The following RASGRF2 variants were observed in gnomAD, a reference collection of about 807,000 sequenced individuals.
RASGRF2 encodes the protein ras-specific guanine nucleotide-releasing factor 2.
Under a neutral mutation model 151.0 loss-of-function variants are expected in RASGRF2, and 76 were observed. The ratio of observed to expected loss-of-function variants is 0.50; its 90% CI spans 0.42 to 0.61. RASGRF2 has a LOEUF of 0.61. Among genes scored for constraint, RASGRF2 ranks in the 20% least tolerant of loss-of-function variants. The pLI, the probability that RASGRF2 is intolerant of heterozygous loss-of-function variation, is 0.00. For synonymous variants in RASGRF2, 504 were observed against 566.5 expected, an observed-to-expected ratio of 0.89 and a Z score of 1.57; for missense variants, 1,148 against 1,564.6, an observed-to-expected ratio of 0.73 and a Z score of 4.49.
At position 81,219,694 on chromosome 5, in the gene RASGRF2, T is replaced by G; in HGVS notation, c.3553-16T>G. On this transcript the variant is annotated splice_polypyrimidine_tract_variant and intron_variant, in intron 25 of 26. Transcript: ENST00000265080. ...CTTTTGTTGTTGTCATTTTGTTTTG[T>G]TTTTTTCTCTGTTAGATATCACACA... is the stretch of plus-strand genomic sequence containing the variant. The G allele has an allele frequency of 1.3e-6, 2 of 1,598,110 alleles. No homozygotes were observed. Among genetic ancestry groups the G allele is most frequent in the Non-Finnish European group, 1.7e-6 (2 of 1,165,990 alleles).
At position 81,180,218 on chromosome 5, in the gene RASGRF2, A is replaced by C; in HGVS notation, c.2730A>C (p.Ile910=). Residue 910 remains isoleucine, a synonymous_variant, in exon 18 of 27, where the codon ATA becomes ATC. Transcript: ENST00000265080. ...GAACATGTGATAAAGAGTTTATTAT[A>C]CGGAGAACGGCTACCAATCGAGTTC... ...TERTCDKEFI[I]RRTATNRVLN... The C allele has an allele frequency of 6.2e-7, 1 of 1,613,196 alleles. No homozygotes were observed. The highest frequency in any genetic ancestry group is 2.2e-5 in the East Asian group (1 of 44,860).
chr5:81,162,906 G>T (rs1160899663), intron 17 of RASGRF2, among the ~76,000 whole-genome samples: 1 of 152,134 alleles, frequency 6.6e-6, no homozygotes, highest in Non-Finnish European at 1.5e-5. Flanking sequence ...AGGGCTGGAG[G>T]AGTAGGCTCC....
intron 17 of RASGRF2, among the ~76,000 whole-genome samples, chr5:81,148,279 C>T (rs1754051054): frequency 1.3e-5 from 2 of 152,106 alleles, no homozygotes; most frequent in Admixed American, 6.6e-5. Flanking sequence ...ATTTCACAGC[C>T]ACATCTCTCT....
intron 1 of RASGRF2, among the ~76,000 whole-genome samples, chr5:80,991,028 A>T (rs968274102): frequency 6.6e-6 from 1 of 152,176 alleles, no homozygotes; most frequent in African/African-American, 2.4e-5. Flanking sequence ...GGGACCCATT[A>T]TTTTTGTCAG....
At chr5:81,189,343 A>G (rs1388645016) in intron 18 of RASGRF2, among the ~76,000 whole-genome samples, 1 of 152,240 alleles carries the variant, frequency 6.6e-6, no homozygotes, top group African/African-American at 2.4e-5. Context: ...GGTAGGACTG[A>G]TGGGGATACC....
chr5:81,087,105 A>T (rs1432556318), intron 9 of RASGRF2, 152 bp downstream of exon 9: 1 of 743,746 alleles, frequency 1.3e-6, no homozygotes, highest in South Asian at 1.4e-5. Context: ...GTTGAGGCCC[A>T]CCTTTGTGCT....
At position 80,966,160 on chromosome 5, in the gene RASGRF2, C is replaced by T. The variant is rs75122890; in HGVS notation, c.288+5134C>T. 8.3e-3 allele frequency among the ~76,000 whole-genome samples: 1,251 copies of T among 151,186 alleles called. 17 individuals are homozygous for T. Among genetic ancestry groups the T allele is most frequent in the African/African-American group, 0.025 (1,046 of 41,202 alleles). On this transcript the variant is annotated intron_variant, in intron 1 of 26. Transcript: ENST00000265080. The stretch of plus-strand genomic sequence containing the variant: ...TTGTTACCCTTCTACTATTTTCTAC[C>T]GTTGAATATTAAACCTTTGTTAGGC...
At chr5:81,174,163 G>T (rs755590943) in intron 17 of RASGRF2, among the ~76,000 whole-genome samples, 4 of 152,224 alleles carry the variant, frequency 2.6e-5, no homozygotes, top group Non-Finnish European at 5.9e-5. Flanking sequence ...AGAAGAGTAA[G>T]GTGTCCCACC....
At position 81,073,409 on chromosome 5, in the gene RASGRF2, C is replaced by A; in HGVS notation, c.844C>A (p.Pro282Thr). Residue 282 changes from proline (P) to threonine (T), a missense_variant, in exon 5 of 27, where the codon CCC (proline) becomes ACC (threonine). By Grantham distance (38) the Pro-to-Thr change is conservative. Transcript: ENST00000265080. ...GCGTATGGCCGCCAGCTCCAAGAAG[C>A]CCCCCATCAGCCACGACGACGTCAG... ...PLRMAASSKK[P>T]PISHDDVSSI... is the part of the protein sequence containing the mutation. 1 of 1,614,076 alleles carries A rather than the reference C, an allele frequency of 6.2e-7. No homozygotes were observed. The highest frequency in any genetic ancestry group is 1.6e-4 in the Middle Eastern group (1 of 6,062).
intron 13 of RASGRF2, among the ~76,000 whole-genome samples, chr5:81,112,021 C>T (rs893145733): frequency 2.6e-5 from 4 of 152,102 alleles, no homozygotes; most frequent in Non-Finnish European, 4.4e-5. Flanking sequence ...CTTCATCTTC[C>T]TAATAAAACA....
intron 24 of RASGRF2, among the ~76,000 whole-genome samples, chr5:81,216,368 C>T (rs905923283): frequency 3.4e-5 from 3 of 87,850 alleles, no homozygotes; most frequent in African/African-American, 1.3e-4. Context: ...CACACACACA[C>T]GCACACACAC....
rs938429229 is a variant in RASGRF2, at chr5:81,043,077, C to G, written c.395+94C>G. 1.6e-5 allele frequency: 14 copies of G among 892,598 alleles called. No homozygotes were observed. In the African/African-American group the frequency reaches 2.0e-4, roughly 13 times the overall value. 55.3% of individuals were successfully genotyped at this position (892,598 alleles called of 1,614,324 possible). ...GGTAGTTTTGGAAGAACTTGCAACT[C>G]TAAGATGAGTTTTCTCCTGGTACCT... On this transcript the variant is annotated intron_variant, in intron 2 of 26. Coordinates refer to ENST00000265080, the MANE Select transcript of RASGRF2 (RefSeq NM_006909.3).
chr5:81,124,855 AC>A (rs1405480590), intron 16 of RASGRF2, among the ~76,000 whole-genome samples: 3 of 152,028 alleles, frequency 2.0e-5, no homozygotes, highest in Non-Finnish European at 4.4e-5. Flanking sequence ...CAATTATGAA[AC>A]CGGATTCACC....
At chr5:81,120,476 A>G (rs769719423) in intron 15 of RASGRF2, among the ~76,000 whole-genome samples, 1 of 152,208 alleles carries the variant, frequency 6.6e-6, no homozygotes, top group Non-Finnish European at 1.5e-5. Context: ...CCAGTTACTC[A>G]GGAGGCTGAA....
chr5:80,972,488 T>C (rs1228018309), intron 1 of RASGRF2, among the ~76,000 whole-genome samples: 1 of 152,038 alleles, frequency 6.6e-6, no homozygotes, highest in Non-Finnish European at 1.5e-5. Context: ...GGTCTCTGTT[T>C]TTTTCTTCTG....
At position 81,087,439 on chromosome 5, in the gene RASGRF2, T is replaced by G. The variant is rs866209534; in HGVS notation, c.1390+486T>G. Reference sequence around the variant, plus strand: ...CCCACACGATATAATTTGATTCAACTGGTAACTCCCGTTGCCAGATGAAAT... The same window carrying G: ...CCCACACGATATAATTTGATTCAACGGGTAACTCCCGTTGCCAGATGAAAT... On this transcript the variant is annotated intron_variant, in intron 9 of 26. Coordinates refer to ENST00000265080, the MANE Select transcript of RASGRF2 (RefSeq NM_006909.3). The G allele has an allele frequency of 1.8e-5, 12 of 654,528 alleles. No homozygotes were observed. The Middle Eastern group carries it at 2.4e-3, about 132-fold the overall frequency. 40.5% of individuals were successfully genotyped at this position (654,528 alleles called of 1,614,324 possible).
At chr5:81,196,519 A>T (rs1037472543) in intron 18 of RASGRF2, among the ~76,000 whole-genome samples, 2 of 152,234 alleles carry the variant, frequency 1.3e-5, no homozygotes, top group African/African-American at 4.8e-5. Context: ...CTCTCAGACC[A>T]GTCTTCCCAG....
At chr5:81,125,902 A>G (rs568542717) in intron 16 of RASGRF2, among the ~76,000 whole-genome samples, 1 of 152,258 alleles carries the variant, frequency 6.6e-6, no homozygotes. Flanking sequence ...ACAGCATCAC[A>G]TATTTCTATC....
chr5:81,182,314 T>A (rs1020571248), intron 18 of RASGRF2, among the ~76,000 whole-genome samples: 3 of 152,208 alleles, frequency 2.0e-5, no homozygotes. Flanking sequence ...CCATAAGGTC[T>A]TTCCTTACCT....
Sources: gnomAD v4.1 joint callset for allele counts (sites outside exome capture counted in the v4.1 genomes callset) on GRCh38, gnomAD v4.1.1 for gene constraint, MANE v1.5 for transcripts, NCBI Gene and HGNC (gene_info 2026-07-23, HGNC 2026-07-21) for gene names.